The following GNA12 variants were observed in gnomAD, a reference collection of about 807,000 sequenced individuals.
GNA12 encodes the protein G protein subunit alpha 12.
A neutral mutation model predicts 26.0 loss-of-function variants in GNA12; 9 were observed. The ratio of observed to expected loss-of-function variants is 0.35; its 90% CI spans 0.21 to 0.60. The LOEUF (loss-of-function observed/expected upper bound fraction) is 0.60, where lower values mean the gene tolerates loss of function less well. GNA12 is among the 20% of genes least tolerant of loss of function. GNA12 has a pLI of 0.78. For synonymous variants in GNA12, 264 were observed against 219.6 expected, an observed-to-expected ratio of 1.20 and a Z score of -1.79; for missense variants, 405 against 525.8, an observed-to-expected ratio of 0.77 and a Z score of 2.25.
intron 2 of GNA12, among the ~76,000 whole-genome samples, chr7:2,788,172 AG>A (rs1792414326): frequency 6.7e-6 from 1 of 150,234 alleles, no homozygotes; most frequent in Admixed American, 6.6e-5. Flanking sequence ...AACAAATGCC[AG>A]CAAAACCAGA....
intron 2 of GNA12, among the ~76,000 whole-genome samples, chr7:2,793,373 G>C (rs901518777): frequency 6.8e-6 from 1 of 147,842 alleles, no homozygotes; most frequent in Non-Finnish European, 1.5e-5. Flanking sequence ...GGAAAGGTGG[G>C]TCACATTCAG....
At chr7:2,821,030 G>A (rs1007871014) in intron 1 of GNA12, among the ~76,000 whole-genome samples, 24 of 152,332 alleles carry the variant, frequency 1.6e-4, no homozygotes, top group African/African-American at 4.6e-4. Flanking sequence ...GTGAGCCACC[G>A]CGCCCGGCCT....
chr7:2,839,236 T>G (rs149703692), intron 1 of GNA12, among the ~76,000 whole-genome samples: 2 of 140,508 alleles, frequency 1.4e-5, no homozygotes, highest in East Asian at 4.0e-4. Context: ...AACAGGAAAA[T>G]CTTTTCTTTT....
rs529399224 is a variant in GNA12, at chr7:2,833,178, T to C, written c.309+10675A>G. On this transcript the variant is annotated intron_variant, in intron 1 of 3. Transcript: ENST00000275364. ...TCTTTTAAGTACAAACAAACCATAATAGTTACGGCATGAAATGAGCCGGCC... is the reference window on the plus strand; with the variant it reads ...TCTTTTAAGTACAAACAAACCATAACAGTTACGGCATGAAATGAGCCGGCC... Among the ~76,000 whole-genome samples, 61 of 152,278 alleles carry C rather than the reference T, an allele frequency of 4.0e-4. No homozygotes were observed. The South Asian group carries it at 0.012, about 31-fold the overall frequency.
At chr7:2,830,088 C>T (rs953902385) in intron 1 of GNA12, among the ~76,000 whole-genome samples, 3 of 152,152 alleles carry the variant, frequency 2.0e-5, no homozygotes, top group Non-Finnish European at 4.4e-5. Context: ...GTGTTCTCCC[C>T]GAACTTTTCC....
intron 2 of GNA12, among the ~76,000 whole-genome samples, chr7:2,738,464 G>C (rs547016002): frequency 1.3e-5 from 2 of 152,146 alleles, no homozygotes; most frequent in African/African-American, 4.8e-5. Context: ...GGAGGTTTCC[G>C]ATACCCACTG....
chr7:2,808,293 C>T (rs1278897619), intron 1 of GNA12, among the ~76,000 whole-genome samples: 1 of 152,246 alleles, frequency 6.6e-6, no homozygotes, highest in African/African-American at 2.4e-5. Flanking sequence ...TGCTTACGGC[C>T]TGCACTTGGG....
chr7:2,835,898 A>C, intron 1 of GNA12: 2 of 550,754 alleles, frequency 3.6e-6, no homozygotes, highest in South Asian at 3.4e-5. Context: ...GCAAATAAAA[A>C]TTTGCAAGAA....
intron 2 of GNA12, among the ~76,000 whole-genome samples, chr7:2,791,049 A>C (rs915831590): frequency 6.6e-6 from 1 of 152,204 alleles, no homozygotes; most frequent in Non-Finnish European, 1.5e-5. Flanking sequence ...TGTAGTATGT[A>C]GGCAATATCA....
intron 2 of GNA12, among the ~76,000 whole-genome samples, chr7:2,741,486 T>G (rs1790501914): frequency 1.3e-5 from 2 of 152,202 alleles, no homozygotes; most frequent in Admixed American, 6.5e-5. Context: ...TTGGACTGCC[T>G]GTTAGCTTTC....
rs940545096 is a variant in GNA12 at position 2,730,178 on chromosome 7, G to A, written c.*1003C>T. Reference sequence around the variant, plus strand: ...GGCATTAACAAAAGCTCTGCTAGTGGCCTTGCCAGCTTTCTGAAGCCCCAG... The same window carrying A: ...GGCATTAACAAAAGCTCTGCTAGTGACCTTGCCAGCTTTCTGAAGCCCCAG... On this transcript the variant is annotated 3_prime_UTR_variant, in exon 4 of 4. Coordinates refer to ENST00000275364, the MANE Select transcript of GNA12 (RefSeq NM_007353.3). 1 of 152,396 alleles carries A rather than the reference G, an allele frequency of 6.6e-6. No homozygotes were observed. Among genetic ancestry groups the A allele is most frequent in the Non-Finnish European group, 1.5e-5 (1 of 68,056 alleles). The allele number at this position is 152,396 out of a possible 1,614,324, so 9.4% of individuals were successfully genotyped here.
chr7:2,765,087 T>G (rs192726247), intron 2 of GNA12: 16 of 151,964 alleles, frequency 1.1e-4, no homozygotes, highest in Admixed American at 7.9e-4. Context: ...CCCCAAATTT[T>G]AATCCTTGAC....
chr7:2,809,759 A>G (rs568798297), intron 1 of GNA12, among the ~76,000 whole-genome samples: 18 of 152,386 alleles, frequency 1.2e-4, no homozygotes, highest in African/African-American at 4.3e-4. Flanking sequence ...GATAGCGTTT[A>G]ATAGAAGAAG....
At chr7:2,819,282 C>T (rs1197812186) in intron 1 of GNA12, among the ~76,000 whole-genome samples, 1 of 152,128 alleles carries the variant, frequency 6.6e-6, no homozygotes, top group Non-Finnish European at 1.5e-5. Context: ...ACTTGGATGC[C>T]GATGCATTCC....
At chr7:2,798,629 C>G (rs1307524854) in intron 1 of GNA12, among the ~76,000 whole-genome samples, 1 of 152,144 alleles carries the variant, frequency 6.6e-6, no homozygotes, top group African/African-American at 2.4e-5. Flanking sequence ...AAAATCCCAG[C>G]AGGATCTTTT....
At position 2,741,354 on chromosome 7, in the gene GNA12, C is replaced by G. The variant is rs114194473; in HGVS notation, c.526-7853G>C. On this transcript the variant is annotated intron_variant, in intron 2 of 3. Coordinates refer to ENST00000275364, the MANE Select transcript of GNA12 (RefSeq NM_007353.3). ...TGGGCAACAGAGTGAGACACTGTCT[C>G]TTAAAAAAAACCCAAAAACCTAAAT... Among the ~76,000 whole-genome samples, 814 of 152,162 alleles carry G rather than the reference C, an allele frequency of 5.3e-3. 7 individuals carry two copies. Among genetic ancestry groups the G allele is most frequent in the African/African-American group, 0.018 (757 of 41,498 alleles).
chr7:2,788,244 C>G (rs1390822300), intron 2 of GNA12, among the ~76,000 whole-genome samples: 2 of 152,202 alleles, frequency 1.3e-5, no homozygotes, highest in Non-Finnish European at 2.9e-5. Context: ...CAGGCTCCCC[C>G]AGGCTGCTCA....
At chr7:2,813,555 T>C (rs958969834) in intron 1 of GNA12, among the ~76,000 whole-genome samples, 4 of 152,078 alleles carry the variant, frequency 2.6e-5, no homozygotes, top group African/African-American at 9.7e-5. Flanking sequence ...GCTGGGGACA[T>C]TCCGGGAGAG....
At chr7:2,793,372 G>T (rs1792570018) in intron 2 of GNA12, among the ~76,000 whole-genome samples, 1 of 152,028 alleles carries the variant, frequency 6.6e-6, no homozygotes, top group Non-Finnish European at 1.5e-5. Context: ...AGGAAAGGTG[G>T]GTCACATTCA....
Sources: gnomAD v4.1 joint callset for allele counts (sites outside exome capture counted in the v4.1 genomes callset) on GRCh38, gnomAD v4.1.1 for gene constraint, MANE v1.5 for transcripts, NCBI Gene and HGNC (gene_info 2026-07-23, HGNC 2026-07-21) for gene names.